The following DLC1 variants were observed in gnomAD, a reference collection of about 807,000 sequenced individuals.
DLC1 encodes rho GTPase-activating protein 7.
In DLC1, 54 loss-of-function variants were observed where a neutral mutation model predicts 140.3. The observed-to-expected ratio is 0.38, with a 90% CI of 0.31 to 0.48. The LOEUF (loss-of-function observed/expected upper bound fraction) is 0.48. Ranked by LOEUF, DLC1 falls within the 20% of genes least tolerant of loss-of-function variation. The pLI is 0.96. For missense variants in DLC1, 2,536 were observed against 1,907.0 expected, an observed-to-expected ratio of 1.33 and a Z score of -6.14; for synonymous variants, 986 against 728.1, an observed-to-expected ratio of 1.35 and a Z score of -5.70.
At chr8:13,141,880 T>C (rs150929171) in intron 5 of DLC1, among the ~76,000 whole-genome samples, 31 of 152,328 alleles carry the variant, frequency 2.0e-4, no homozygotes, top group African/African-American at 7.2e-4. Flanking sequence ...TTTTAAAAAA[T>C]AGACCTAGCA....
intron 1 of DLC1, chr8:13,567,011 T>TG: frequency 6.5e-7 from 1 of 1,549,714 alleles, no homozygotes; most frequent in Non-Finnish European, 8.7e-7. Flanking sequence ...TGCCCAGAAT[T>TG]GGCCCAAACG....
chr8:13,405,335 C>T (rs951530208), intron 2 of DLC1, among the ~76,000 whole-genome samples: 2 of 151,770 alleles, frequency 1.3e-5, no homozygotes, highest in African/African-American at 4.8e-5. Flanking sequence ...CTATTGTTCC[C>T]ATCTTTATGT....
intron 4 of DLC1, among the ~76,000 whole-genome samples, chr8:13,335,291 G>T (rs1833773694): frequency 6.6e-6 from 1 of 152,158 alleles, no homozygotes; most frequent in Admixed American, 6.5e-5. Flanking sequence ...AGGCAAATGG[G>T]TAGAGAACTT....
chr8:13,085,671 A>C lies in DLC1; in HGVS notation c.*140T>G. 1.5e-6 allele frequency: 2 copies of C among 1,323,942 alleles called. No homozygotes were observed. Among genetic ancestry groups the C allele is most frequent in the Non-Finnish European group, 2.0e-6 (2 of 982,352 alleles). The allele number at this position is 1,323,942 out of a possible 1,614,324, so 82.0% of individuals were successfully genotyped here. ...AGGAAGCAGCTTTAAAAATGTATCAAATTGCTATAGTCAATTCCTACACTC... is the reference window on the plus strand; with the variant it reads ...AGGAAGCAGCTTTAAAAATGTATCACATTGCTATAGTCAATTCCTACACTC... On this transcript the variant is annotated 3_prime_UTR_variant, in exon 18 of 18. Coordinates refer to ENST00000276297, the MANE Select transcript of DLC1 (RefSeq NM_182643.3).
At chr8:13,154,186 T>A (rs36041390) in intron 5 of DLC1, among the ~76,000 whole-genome samples, 51,260 of 152,172 alleles carry the variant, frequency 0.34, 9,857 homozygotes, top group East Asian at 0.53. Flanking sequence ...CCCTAGTGGA[T>A]CCCGTGCCAG....
At chr8:13,194,156 G>A (rs1404255356) in intron 5 of DLC1, among the ~76,000 whole-genome samples, 2 of 152,168 alleles carry the variant, frequency 1.3e-5, no homozygotes, top group Non-Finnish European at 2.9e-5. Flanking sequence ...ACATACCTGT[G>A]TTCAAATTTT....
intron 1 of DLC1, among the ~76,000 whole-genome samples, chr8:13,571,181 C>T (rs956068318): frequency 1.3e-5 from 2 of 152,120 alleles, no homozygotes; most frequent in African/African-American, 4.8e-5. Context: ...CTCTTCAGCA[C>T]CTTGCTTTTT....
chr8:13,107,641 C>T (rs895767588), intron 7 of DLC1, among the ~76,000 whole-genome samples: 2 of 152,130 alleles, frequency 1.3e-5, no homozygotes, highest in African/African-American at 2.4e-5. Context: ...TTCCATAGGC[C>T]AAGAAGGTAT....
chr8:13,412,529 G>A (rs1837824756), intron 2 of DLC1, among the ~76,000 whole-genome samples: 1 of 152,118 alleles, frequency 6.6e-6, no homozygotes, highest in South Asian at 2.1e-4. Flanking sequence ...TTAACTTAAT[G>A]AGTTATGGCA....
chr8:13,485,563 A>C (rs1296579134), intron 2 of DLC1, among the ~76,000 whole-genome samples: 1 of 152,184 alleles, frequency 6.6e-6, no homozygotes, highest in African/African-American at 2.4e-5. Context: ...TGTATGCATC[A>C]CTCACTGTAT....
chr8:13,514,897 G>A (rs1195133199), upstream of DLC1: 1 of 360,430 alleles, frequency 2.8e-6, no homozygotes, highest in Non-Finnish European at 4.9e-6. Context: ...AGATTGCCTG[G>A]AAAGTATTTC....
At chr8:13,587,077 T>TACATACACAC (rs139164049) in intron 1 of DLC1, among the ~76,000 whole-genome samples, 4 of 142,806 alleles carry the variant, frequency 2.8e-5, no homozygotes, top group Non-Finnish European at 4.6e-5. Flanking sequence ...GAAAATAGTT[T>TACATACACAC]ACACACACAC....
chr8:13,098,613 T>C (rs748682450), intron 9 of DLC1, 38 bp from the exon 10 acceptor site: 16 of 1,572,524 alleles, frequency 1.0e-5, no homozygotes, highest in Non-Finnish European at 1.3e-5. Flanking sequence ...GTGTGAAGCC[T>C]TTTTATTTGA....
rs201002200 is a variant in DLC1 at position 13,088,638 on chromosome 8, T to C, written c.4141A>G (p.Ile1381Val). Residue 1381 changes from isoleucine (I) to valine (V), a missense_variant, in exon 16 of 18, where the codon ATC (isoleucine) becomes GTC (valine). Transcript: ENST00000276297. ...TGTTCTTTAAGTAGGCGCTTTAAGA[T>C]TTCCTCTGGCACAGCAGGGACTTCA... ...VIEVPAVPEE[I>V]LKRLLKEQHL... is the part of the protein sequence containing the mutation. 3 of 1,614,122 alleles carry C rather than the reference T, an allele frequency of 1.9e-6. No individual in the cohort carries two copies. The highest frequency in any genetic ancestry group is 1.3e-5 in the African/African-American group (1 of 75,014).
chr8:13,144,198 G>A (rs1038868654), intron 5 of DLC1, among the ~76,000 whole-genome samples: 6 of 152,298 alleles, frequency 3.9e-5, no homozygotes, highest in Non-Finnish European at 7.4e-5. Flanking sequence ...ACAGAGGAAA[G>A]CAAATTTGTT....
intron 4 of DLC1, among the ~76,000 whole-genome samples, chr8:13,373,827 T>C (rs1032652254): frequency 6.6e-6 from 1 of 152,208 alleles, no homozygotes; most frequent in African/African-American, 2.4e-5. Context: ...ATTTTAAAGC[T>C]GGCTTAGTAC....
chr8:13,521,275 C>G (rs947235567), intron 1 of DLC1, among the ~76,000 whole-genome samples: 5 of 151,966 alleles, frequency 3.3e-5, no homozygotes, highest in Non-Finnish European at 5.9e-5. Context: ...GGGAGAGCAT[C>G]AGGGTAAATA....
intron 5 of DLC1, chr8:13,133,109 T>G: frequency 6.8e-7 from 1 of 1,479,532 alleles, no homozygotes; most frequent in Non-Finnish European, 9.0e-7. Flanking sequence ...GCATCCTTGC[T>G]CGCCGCTCCC....
chr8:13,571,660 T>C (rs1246552067), intron 1 of DLC1, among the ~76,000 whole-genome samples: 4 of 152,238 alleles, frequency 2.6e-5, no homozygotes, highest in African/African-American at 9.6e-5. Flanking sequence ...GTAATGCTGC[T>C]ATGAACACTG....
Sources: allele counts gnomAD v4.1 joint callset (sites outside exome capture counted in the v4.1 genomes callset), GRCh38; gene constraint gnomAD v4.1.1; transcripts MANE v1.5; gene names NCBI Gene and HGNC (gene_info 2026-07-23, HGNC 2026-07-21).